The following MROH7 variants were observed in gnomAD, a reference collection of about 807,000 sequenced individuals.
The protein encoded by MROH7 is maestro heat-like repeat-containing protein family member 7.
Under a neutral mutation model 129.2 loss-of-function variants are expected in MROH7, and 113 were observed. The ratio of observed to expected loss-of-function variants is 0.87; its 90% CI spans 0.75 to 1.02. MROH7 has a LOEUF of 1.02. Among genes scored for constraint, MROH7 ranks in the 50% least tolerant of loss-of-function variants. MROH7 has a pLI of 0.00. For synonymous variants in MROH7, 655 were observed against 667.9 expected, an observed-to-expected ratio of 0.98 and a Z score of 0.30; for missense variants, 1,601 against 1,671.3, an observed-to-expected ratio of 0.96 and a Z score of 0.73.
In MROH7 at chr1:54,653,623, G is replaced by T. The variant is rs1276503573; in HGVS notation, c.697G>T (p.Ala233Ser). ...CACCTCCAAGCTGAACCTGAATGTA[G>T]CTCCAGATTCTCATGGGACCCTAAT... is the stretch of plus-strand genomic sequence containing the variant. ...RNTSKLNLNVAPDSHGTLIPD... is the reference protein window; with the variant it reads ...RNTSKLNLNVSPDSHGTLIPD... Residue 233 changes from alanine (A) to serine (S), a missense_variant, in exon 3 of 24, where the codon GCT (alanine) becomes TCT (serine). Physicochemically the swap from Ala to Ser is moderately conservative, Grantham distance 99 (BLOSUM62 1). Transcript: ENST00000421030. 2 of 1,614,122 alleles carry T rather than the reference G, an allele frequency of 1.2e-6. No individual in the cohort carries two copies. The highest frequency in any genetic ancestry group is 1.1e-5 in the South Asian group (1 of 91,072).
intron 23 of MROH7, 94 bp downstream of exon 23, chr1:54,709,170 C>T (rs1645583821): frequency 8.2e-6 from 10 of 1,221,946 alleles, no homozygotes; most frequent in Non-Finnish European, 1.2e-5. Context: ...GGATGTGTCC[C>T]AAGACAAGGG....
chr1:54,667,827 G>A (rs753156219), intron 4 of MROH7, among the ~76,000 whole-genome samples: 12 of 152,188 alleles, frequency 7.9e-5, no homozygotes, highest in Middle Eastern at 3.4e-3. Flanking sequence ...TGTAGTCCAT[G>A]TAGTCCTAGC....
chr1:54,700,346 G>A lies in MROH7; in HGVS notation c.2990G>A (p.Arg997Gln), dbSNP rs540672415. The change falls in exon 18 of 24, where the codon CGG (arginine) becomes CAG (glutamine). Residue 997 changes from arginine to glutamine, a missense_variant. By Grantham distance (43) the Arg-to-Gln change is conservative. Coordinates refer to ENST00000421030, the MANE Select transcript of MROH7 (RefSeq NM_001039464.4). ...CTCCTCCAGATGGAGCAGGTGCGCC[G>A]GATCCCCGAGGAATACTCTCTGGGG... ...VELLQMEQVRRIPEEYSLGRM... is the reference protein window; with the variant it reads ...VELLQMEQVRQIPEEYSLGRM... The A allele has an allele frequency of 6.6e-5, 107 of 1,614,046 alleles. No homozygotes were observed. Among genetic ancestry groups the A allele is most frequent in the East Asian group, 1.1e-4 (5 of 44,870 alleles).
rs370244710 is a variant in MROH7 at position 54,692,630 on chromosome 1, G to A, written c.2849+69G>A. 3,514 of 1,505,054 alleles carry A rather than the reference G, an allele frequency of 2.3e-3. 7 individuals are homozygous for A. Among genetic ancestry groups the A allele is most frequent in the Non-Finnish European group, 3.0e-3 (3,304 of 1,113,810 alleles). 93.2% of individuals were successfully genotyped at this position (1,505,054 alleles called of 1,614,324 possible). A position where few individuals can be genotyped will look rare whatever the true frequency, so the allele number is the denominator to read the frequency against. On this transcript the variant is annotated intron_variant, in intron 16 of 23. Coordinates refer to ENST00000421030, the MANE Select transcript of MROH7 (RefSeq NM_001039464.4). ...GAGGGGGACCTCAGGATCTTCAGAC[G>A]GACTTGGTCTGCATCTCTCCCTGGG...
At chr1:54,693,203 G>T (rs1003246197) in intron 16 of MROH7, among the ~76,000 whole-genome samples, 1 of 152,184 alleles carries the variant, frequency 6.6e-6, no homozygotes, top group African/African-American at 2.4e-5. Context: ...CAGTTCTTTT[G>T]TTCTTTCCCA....
chr1:54,669,033 G>A, intron 5 of MROH7, 96 bp downstream of exon 5: 1 of 854,430 alleles, frequency 1.2e-6, no homozygotes, highest in Admixed American at 2.1e-5. Flanking sequence ...GGGAGGTTGA[G>A]GTAGGAAGAG....
Position 54,701,183 on chromosome 1 carries a change from G to T in MROH7, c.3146G>T (p.Gly1049Val). 6.2e-7 allele frequency: 1 copy of T among 1,614,152 alleles called. No homozygotes were observed. Among genetic ancestry groups the T allele is most frequent in the Non-Finnish European group, 8.5e-7 (1 of 1,180,032 alleles). The change falls in exon 19 of 24, where the codon GGC (glycine) becomes GTC (valine). Residue 1049 changes from glycine to valine, a missense_variant. Coordinates refer to ENST00000421030, the MANE Select transcript of MROH7 (RefSeq NM_001039464.4). ...VKALLPSMVK[G>V]LKNMDGMLVV... Reference sequence around the variant, plus strand: ...GCCCTCCTGCCCTCCATGGTGAAGGGCCTGAAGAACATGGATGGGATGCTG... The same window carrying T: ...GCCCTCCTGCCCTCCATGGTGAAGGTCCTGAAGAACATGGATGGGATGCTG...
At chr1:54,659,094 G>T in intron 3 of MROH7, 1 of 438,430 alleles carries the variant, frequency 2.3e-6, no homozygotes. Context: ...TTGTTTGTTT[G>T]TTTGTTTTGT....
At position 54,710,231 on chromosome 1, in the gene MROH7, C is replaced by T. The variant is rs1645604821; in HGVS notation, c.*44C>T. ...CCTCCTCAGGGTGGTTGAGTTCCAG[C>T]CATGCTCCCTATAAATGTCATGTGG... On this transcript the variant is annotated 3_prime_UTR_variant, in exon 24 of 24. Transcript: ENST00000421030. 6.3e-7 allele frequency: 1 copy of T among 1,592,228 alleles called. No individual in the cohort carries two copies. Among genetic ancestry groups the T allele is most frequent in the African/African-American group, 1.3e-5 (1 of 74,660 alleles).
At chr1:54,673,952 A>G in intron 9 of MROH7, 64 bp from the exon 10 acceptor site, 1 of 1,585,952 alleles carries the variant, frequency 6.3e-7, no homozygotes, top group South Asian at 1.1e-5. Flanking sequence ...ACCGGTGTTC[A>G]CCATTTAATG....
chr1:54,700,457 A>C lies in MROH7; in HGVS notation c.3101A>C (p.Glu1034Ala). 2 of 1,589,552 alleles carry C rather than the reference A, an allele frequency of 1.3e-6. No homozygotes were observed. The highest frequency in any genetic ancestry group is 8.6e-7 in the Non-Finnish European group (1 of 1,166,228). ...CTGGTCATCCTGGCCCGCAGGTCTG[A>C]GAAGGTGAGTGGGAGGCAGAGGAAA... Reference protein sequence around the residue: ...RGLVILARRSEKTAKVKALLP... With the variant: ...RGLVILARRSAKTAKVKALLP... Residue 1034 changes from glutamate (E) to alanine (A), a missense_variant, in exon 18 of 24, where the codon GAG becomes GCG. Coordinates refer to ENST00000421030, the MANE Select transcript of MROH7 (RefSeq NM_001039464.4).
intron 12 of MROH7, among the ~76,000 whole-genome samples, 157 bp from the exon 13 acceptor site, chr1:54,679,734 G>T (rs182339798): frequency 1.3e-5 from 2 of 152,078 alleles, no homozygotes; most frequent in Non-Finnish European, 2.9e-5. Flanking sequence ...TCCCAGGGAG[G>T]GGCAGGCGCT....
intron 22 of MROH7, among the ~76,000 whole-genome samples, chr1:54,708,025 A>G (rs966426354): frequency 3.9e-5 from 6 of 152,206 alleles, no homozygotes; most frequent in African/African-American, 1.4e-4. Flanking sequence ...TCAAGAAACC[A>G]AGAGAAGGAT....
In MROH7 at chr1:54,706,194, C is replaced by T. The variant is rs1008743812; in HGVS notation, c.3565-241C>T. On this transcript the variant is annotated intron_variant, in intron 21 of 23. Transcript: ENST00000421030. ...GCTGGATCTGCATTTTAGAACTTTCCCTCTGACTGCAGCAGGGGGGTAAAT... is the reference window on the plus strand; with the variant it reads ...GCTGGATCTGCATTTTAGAACTTTCTCTCTGACTGCAGCAGGGGGGTAAAT... Among the ~76,000 whole-genome samples, 12 of 152,220 alleles carry T rather than the reference C, an allele frequency of 7.9e-5. 1 individual carries two copies. Among genetic ancestry groups the T allele is most frequent in the Middle Eastern group, 3.4e-3 (1 of 294 alleles).
chr1:54,669,600 C>A (rs1465810784), intron 5 of MROH7, among the ~76,000 whole-genome samples: 1 of 152,222 alleles, frequency 6.6e-6, no homozygotes, highest in Non-Finnish European at 1.5e-5. Context: ...TTATGGCCCA[C>A]TGCAGCATCA....
Position 54,679,997 on chromosome 1 carries a change from T to A in MROH7, c.2333T>A (p.Met778Lys). ...LPVSLLASSF[M>K]TEVVVALLMC... ...GTCTCCCTCCTGGCTAGCTCCTTCA[T>A]GACCGAGGTTGTGGTGGCCCTGCTC... The change falls in exon 13 of 24, where the codon ATG becomes AAG. Residue 778 changes from methionine to lysine, a missense_variant. Physicochemically the swap from Met to Lys is moderately conservative, Grantham distance 95. Transcript: ENST00000421030. 1 of 1,614,052 alleles carries A rather than the reference T, an allele frequency of 6.2e-7. No individual in the cohort carries two copies. Among genetic ancestry groups the A allele is most frequent in the Middle Eastern group, 1.7e-4 (1 of 6,060 alleles).
chr1:54,666,777 A>G (rs1424520822), intron 4 of MROH7, among the ~76,000 whole-genome samples: 6 of 152,072 alleles, frequency 3.9e-5, no homozygotes, highest in Non-Finnish European at 7.4e-5. Context: ...AGGAGCAATA[A>G]GGGATTAGTA....
intron 17 of MROH7, 167 bp downstream of exon 17, chr1:54,695,657 C>G (rs764503259): frequency 7.1e-5 from 48 of 680,364 alleles, no homozygotes; most frequent in Non-Finnish European, 1.2e-4. Context: ...CCTCCCCTCC[C>G]TGTCTCTCCA....
At chr1:54,662,059 A>C (rs1644740542) in intron 3 of MROH7, among the ~76,000 whole-genome samples, 1 of 151,946 alleles carries the variant, frequency 6.6e-6, no homozygotes, top group African/African-American at 2.4e-5. Flanking sequence ...ATCTCTACAA[A>C]CAATGTAAAA....
Sources: gnomAD v4.1 joint callset for allele counts (sites outside exome capture counted in the v4.1 genomes callset) on GRCh38, gnomAD v4.1.1 for gene constraint, MANE v1.5 for transcripts, NCBI Gene and HGNC (gene_info 2026-07-23, HGNC 2026-07-21) for gene names.